ANO1: variants seen among roughly 807,000 people sequenced by gnomAD.
ANO1 encodes the protein anoctamin-1.
A neutral mutation model predicts 124.0 loss-of-function variants in ANO1; 59 were observed. The ratio of observed to expected loss-of-function variants is 0.48; its 90% confidence interval spans 0.39 to 0.59. ANO1 has a LOEUF of 0.59. ANO1 is among the 20% of genes least tolerant of loss of function. ANO1 has a pLI of 0.00. For synonymous variants in ANO1, 529 were observed against 532.0 expected (o/e 0.99, Z 0.08); for missense variants, 1,059 against 1,328.0 (o/e 0.80, Z 3.15).
intron 1 of ANO1, among the ~76,000 whole-genome samples, chr11:70,012,731 C>T (rs1279843487): frequency 2.6e-5 from 4 of 152,156 alleles, no homozygotes; most frequent in Admixed American, 1.3e-4. Context: ...ATCCATCCAT[C>T]CATCCATTCT....
intron 1 of ANO1, among the ~76,000 whole-genome samples, chr11:70,079,558 A>C (rs1397496683): frequency 6.6e-6 from 1 of 152,170 alleles, no homozygotes; most frequent in Non-Finnish European, 1.5e-5. Flanking sequence ...GTTTGCCGGA[A>C]GAGGATAGGA....
chr11:70,179,237 C>T (rs1321021264), intron 22 of ANO1, among the ~76,000 whole-genome samples: 2 of 152,222 alleles, frequency 1.3e-5, no homozygotes, highest in African/African-American at 4.8e-5. Context: ...GGCTCCCAGC[C>T]GAACCGCTGC....
At chr11:70,117,831 C>A (rs1039165225) in intron 8 of ANO1, among the ~76,000 whole-genome samples, 4 of 152,214 alleles carry the variant, frequency 2.6e-5, no homozygotes, top group Admixed American at 6.5e-5. Context: ...GGCCCCCATA[C>A]ATGTTTTTAA....
At chr11:70,092,960 AG>A (rs1453084482) in intron 2 of ANO1, among the ~76,000 whole-genome samples, 1 of 151,772 alleles carries the variant, frequency 6.6e-6, no homozygotes, top group African/African-American at 2.4e-5. Context: ...GGAAAAGAGA[AG>A]GGCCCTGAGG....
intron 1 of ANO1, among the ~76,000 whole-genome samples, chr11:70,057,511 A>T (rs1857467729): frequency 6.6e-6 from 1 of 152,020 alleles, no homozygotes; most frequent in Non-Finnish European, 1.5e-5. Flanking sequence ...AGGCAGACTG[A>T]GTCCGAAAAA....
Position 70,148,941 on chromosome 11 carries a change from T to A in ANO1, c.1259-769T>A, listed in dbSNP as rs905824286. The stretch of plus-strand genomic sequence containing the variant: ...TTTTCTCACATTGAGGGGGATGATC[T>A]GTGGCTTCCTGAAGGAGGCGGCATT... On this transcript the variant is annotated intron_variant, in intron 11 of 25. Transcript: ENST00000355303. 6.6e-5 allele frequency among the ~76,000 whole-genome samples: 10 copies of A among 152,214 alleles called. 1 individual carries two copies. Among genetic ancestry groups the A allele is most frequent in the African/African-American group, 2.2e-4 (9 of 41,460 alleles).
intron 1 of ANO1, among the ~76,000 whole-genome samples, chr11:69,998,216 T>G (rs549835393): frequency 6.6e-6 from 1 of 152,352 alleles, no homozygotes; most frequent in East Asian, 1.9e-4. Context: ...AGATCTTAAG[T>G]GAACAATTGG....
chr11:70,095,303 A>AGAAGGAAGGAAG (rs2044837013), intron 2 of ANO1, among the ~76,000 whole-genome samples: 23 of 36,766 alleles, frequency 6.3e-4, no homozygotes, highest in African/African-American at 8.7e-4. Flanking sequence ...AAGGAAGGAA[A>AGAAGGAAGGAAG]GAAAGAAAGA....
intron 4 of ANO1, among the ~76,000 whole-genome samples, chr11:70,104,860 A>C (rs866042597): frequency 1.8e-4 from 28 of 152,258 alleles, no homozygotes; most frequent in South Asian, 1.2e-3. Flanking sequence ...GCAGACAGGG[A>C]GGACGAACAG....
intron 1 of ANO1, among the ~76,000 whole-genome samples, chr11:70,067,436 T>A (rs1236302594): frequency 2.6e-5 from 4 of 151,556 alleles, no homozygotes; most frequent in Non-Finnish European, 4.4e-5. Flanking sequence ...TAAGCAATTG[T>A]CCTGCCTCAG....
At chr11:70,068,223 T>A (rs997134549) in intron 1 of ANO1, among the ~76,000 whole-genome samples, 113 of 152,164 alleles carry the variant, frequency 7.4e-4, no homozygotes, top group Non-Finnish European at 6.2e-4. Flanking sequence ...ACCTGTTTGT[T>A]TAGATTCCAC....
chr11:70,161,492 C>A, intron 17 of ANO1, 130 bp downstream of exon 17: 1 of 1,379,626 alleles, frequency 7.2e-7, no homozygotes, highest in Non-Finnish European at 1.0e-6. Flanking sequence ...AATGGGTATC[C>A]TGAGCACAGG....
chr11:69,993,075 G>T (rs1856186458), intron 1 of ANO1, among the ~76,000 whole-genome samples: 1 of 152,080 alleles, frequency 6.6e-6, no homozygotes, highest in Non-Finnish European at 1.5e-5. Context: ...TCTGGGCTCT[G>T]GGTCCCCACA....
chr11:70,169,231 G>C (rs1003232457), intron 21 of ANO1, among the ~76,000 whole-genome samples: 1 of 152,122 alleles, frequency 6.6e-6, no homozygotes, highest in Non-Finnish European at 1.5e-5. Context: ...TGACGGGTTT[G>C]GACAAAGGGG....
chr11:70,111,199 T>C (rs1321083261), intron 6 of ANO1: 1 of 458,134 alleles, frequency 2.2e-6, no homozygotes, highest in Non-Finnish European at 4.4e-6. Context: ...ATGGTAAGTG[T>C]GGGCCTCCTC....
intron 1 of ANO1, among the ~76,000 whole-genome samples, chr11:70,055,641 G>A (rs1857421696): frequency 6.6e-6 from 1 of 151,792 alleles, no homozygotes; most frequent in African/African-American, 2.4e-5. Context: ...TCATTTAATT[G>A]GAATATTTAG....
chr11:70,146,936 G>A (rs1440642926), intron 11 of ANO1, among the ~76,000 whole-genome samples: 1 of 152,060 alleles, frequency 6.6e-6, no homozygotes, highest in African/African-American at 2.4e-5. Flanking sequence ...TGCCCACCCA[G>A]ATGAAGGGTG....
intron 7 of ANO1, among the ~76,000 whole-genome samples, chr11:70,112,451 C>T (rs1229604424): frequency 6.6e-6 from 1 of 152,212 alleles, no homozygotes; most frequent in Non-Finnish European, 1.5e-5. Context: ...CTTACCTGCT[C>T]CTCCGCCTTG....
chr11:70,042,630 G>A lies in ANO1; in HGVS notation c.59-35912G>A, dbSNP rs782499798. On this transcript the variant is annotated intron_variant, in intron 1 of 27. Transcript: ENST00000531349. ...AGTACTAATCTACATAAGCATGAGAGGAAACTACCCAGGGCTAGGGAAAGA... is the reference window on the plus strand; with the variant it reads ...AGTACTAATCTACATAAGCATGAGAAGAAACTACCCAGGGCTAGGGAAAGA... Among the ~76,000 whole-genome samples, 46 of 152,138 alleles carry A rather than the reference G, an allele frequency of 3.0e-4. 1 individual carries two copies. Among genetic ancestry groups the A allele is most frequent in the Non-Finnish European group, 3.8e-4 (26 of 68,038 alleles).
Sources: gnomAD v4.1 joint callset for allele counts (sites outside exome capture counted in the v4.1 genomes callset) on GRCh38, gnomAD v4.1.1 for gene constraint, MANE v1.5 for transcripts, NCBI Gene and HGNC (gene_info 2026-07-23, HGNC 2026-07-21) for gene names.